Variants in TMEM132D observed in about 807,000 individuals in gnomAD.
TMEM132D encodes the protein transmembrane protein 132D, also known as mature OL transmembrane protein.
TMEM132D carries 21 observed loss-of-function variants against 62.3 expected under a neutral mutation model. That is an observed-to-expected ratio of 0.34 (90% CI 0.24 to 0.49). The LOEUF is 0.49. TMEM132D is among the 20% of genes least tolerant of loss of function. The pLI is 0.99. For missense variants in TMEM132D, 1,346 were observed against 1,402.8 expected (o/e 0.96, Z 0.65); for synonymous variants, 621 against 575.6 (o/e 1.08, Z -1.13).
At chr12:129,377,946 T>C (rs566887853) in intron 3 of TMEM132D, among the ~76,000 whole-genome samples, 32 of 152,364 alleles carry the variant, frequency 2.1e-4, no homozygotes, top group South Asian at 6.2e-4. Context: ...GTTTAAGCGA[T>C]AAAAGATTAT....
At chr12:129,347,973 A>G (rs986707611) in intron 3 of TMEM132D, among the ~76,000 whole-genome samples, 28 of 152,232 alleles carry the variant, frequency 1.8e-4, no homozygotes, top group Admixed American at 1.8e-3. Flanking sequence ...ATCACTGATC[A>G]TTAGAGAAAT....
At chr12:129,755,793 C>T (rs968100343) in intron 1 of TMEM132D, among the ~76,000 whole-genome samples, 4 of 152,206 alleles carry the variant, frequency 2.6e-5, no homozygotes, top group African/African-American at 9.7e-5. Context: ...CCACCCATTC[C>T]TGTCCCAAGC....
chr12:129,845,529 C>T (rs924790209), intron 1 of TMEM132D, among the ~76,000 whole-genome samples: 40 of 152,226 alleles, frequency 2.6e-4, no homozygotes, highest in Admixed American at 2.3e-3. Context: ...TCTAGAGATA[C>T]TGACTGTGTT....
chr12:129,582,057 T>C (rs1877879456), intron 2 of TMEM132D, among the ~76,000 whole-genome samples: 3 of 152,194 alleles, frequency 2.0e-5, no homozygotes, highest in Non-Finnish European at 2.9e-5. Context: ...TCAGCTGTGC[T>C]ATGCCAAAGA....
chr12:129,274,234 C>T (rs537148460), intron 4 of TMEM132D, among the ~76,000 whole-genome samples: 75 of 150,208 alleles, frequency 5.0e-4, no homozygotes, highest in South Asian at 2.9e-3. Flanking sequence ...AACCTGCCAG[C>T]TTTTCAGTGG....
chr12:129,188,336 C>G (rs76618346), intron 5 of TMEM132D, among the ~76,000 whole-genome samples: 13,780 of 152,236 alleles, frequency 0.091, 684 homozygotes, highest in Middle Eastern at 0.12. Flanking sequence ...AAGCCACCAA[C>G]GTATGCATGA....
At chr12:129,644,083 G>A (rs1879707521) in intron 2 of TMEM132D, among the ~76,000 whole-genome samples, 1 of 152,190 alleles carries the variant, frequency 6.6e-6, no homozygotes, top group Middle Eastern at 3.4e-3. Context: ...TCCATCTCCT[G>A]ACCTCATGAT....
intron 3 of TMEM132D, among the ~76,000 whole-genome samples, chr12:129,346,094 T>G (rs2713364): frequency 0.035 from 5,387 of 152,230 alleles, 124 homozygotes; most frequent in African/African-American, 0.062. Flanking sequence ...GGTAGGCTAT[T>G]AATTACTGCC....
chr12:129,309,001 C>A (rs1881908428), intron 4 of TMEM132D, among the ~76,000 whole-genome samples: 1 of 152,168 alleles, frequency 6.6e-6, no homozygotes, highest in Admixed American at 6.5e-5. Context: ...AGCAAAACGC[C>A]AAACACCCTT....
intron 4 of TMEM132D, among the ~76,000 whole-genome samples, chr12:129,321,568 T>C (rs1238902135): frequency 1.3e-5 from 2 of 152,044 alleles, no homozygotes; most frequent in African/African-American, 4.8e-5. Flanking sequence ...TTTTCTTTTT[T>C]TTTTTTGAGA....
At chr12:129,122,804 T>C (rs1876105328) in intron 5 of TMEM132D, among the ~76,000 whole-genome samples, 1 of 152,240 alleles carries the variant, frequency 6.6e-6, no homozygotes, top group Admixed American at 6.5e-5. Context: ...ATTTCTGAGT[T>C]TAAATGCCTT....
chr12:129,106,752 A>G (rs1274933593), intron 5 of TMEM132D, among the ~76,000 whole-genome samples: 1 of 152,118 alleles, frequency 6.6e-6, no homozygotes, highest in Non-Finnish European at 1.5e-5. Flanking sequence ...AGTAGAAGCG[A>G]TGGGTGTCAC....
intron 2 of TMEM132D, among the ~76,000 whole-genome samples, chr12:129,591,150 T>G (rs535000001): frequency 6.6e-6 from 1 of 152,238 alleles, no homozygotes; most frequent in East Asian, 1.9e-4. Flanking sequence ...GCAGAAGGAC[T>G]GGAATGAAGG....
At chr12:129,662,443 T>C (rs1880259845) in intron 2 of TMEM132D, among the ~76,000 whole-genome samples, 1 of 152,192 alleles carries the variant, frequency 6.6e-6, no homozygotes, top group Admixed American at 6.5e-5. Flanking sequence ...ATAAAATCCA[T>C]AATCCTGGCT....
chr12:129,559,431 G>A (rs779402330), intron 2 of TMEM132D, among the ~76,000 whole-genome samples: 60 of 152,268 alleles, frequency 3.9e-4, no homozygotes, highest in Middle Eastern at 3.4e-3. Context: ...AAAAGGAGAC[G>A]AGAGGTCTCG....
At chr12:129,112,306 T>C (rs1875738036) in intron 5 of TMEM132D, among the ~76,000 whole-genome samples, 1 of 152,180 alleles carries the variant, frequency 6.6e-6, no homozygotes, top group Non-Finnish European at 1.5e-5. Context: ...AACCAGGGTT[T>C]ACACCCGTGC....
chr12:129,269,615 G>A (rs1880797963), intron 4 of TMEM132D, among the ~76,000 whole-genome samples: 1 of 152,168 alleles, frequency 6.6e-6, no homozygotes, highest in African/African-American at 2.4e-5. Context: ...AGAACTGGGA[G>A]ACAGAGTATC....
chr12:129,103,756 CAGAG>C (rs1207640545), intron 5 of TMEM132D, among the ~76,000 whole-genome samples: 1 of 152,140 alleles, frequency 6.6e-6, no homozygotes, highest in Non-Finnish European at 1.5e-5. Flanking sequence ...AACAGACAAA[CAGAG>C]AGCCAAATCA....
chr12:129,780,843 T>C (rs1188715740), intron 1 of TMEM132D, among the ~76,000 whole-genome samples: 1 of 152,220 alleles, frequency 6.6e-6, no homozygotes, highest in Non-Finnish European at 1.5e-5. Flanking sequence ...AGCAAAGGGA[T>C]GTTAATAACC....
Sources: gnomAD v4.1 joint callset for allele counts (sites outside exome capture counted in the v4.1 genomes callset) on GRCh38, gnomAD v4.1.1 for gene constraint, MANE v1.5 for transcripts, NCBI Gene and HGNC (gene_info 2026-07-23, HGNC 2026-07-21) for gene names.